INVS: variants seen among roughly 807,000 people sequenced by gnomAD.
INVS encodes the protein inversion of embryo turning homolog.
Under a neutral mutation model 108.8 loss-of-function variants are expected in INVS, and 86 were observed. The ratio of observed to expected loss-of-function variants is 0.79; its 90% CI spans 0.66 to 0.95. The LOEUF is 0.95. Ranked by LOEUF, INVS falls within the 40% of genes least tolerant of loss-of-function variation. The pLI is 0.00. For missense variants in INVS, 1,169 were observed against 1,297.4 expected, an observed-to-expected ratio of 0.90 and a Z score of 1.52; for synonymous variants, 455 against 473.5, an observed-to-expected ratio of 0.96 and a Z score of 0.51.
intron 14 of INVS, 36 bp downstream of exon 14, chr9:100,293,079 T>C (rs778344329): frequency 6.5e-7 from 1 of 1,531,682 alleles, no homozygotes; most frequent in South Asian, 1.1e-5. Context: ...CTGTGGTTCT[T>C]TGTTACTGAT....
intron 10 of INVS, among the ~76,000 whole-genome samples, chr9:100,255,228 C>A (rs1832377437): frequency 6.7e-6 from 1 of 150,246 alleles, no homozygotes; most frequent in Non-Finnish European, 1.5e-5. Context: ...TGTCTGTTGG[C>A]ATATAGGAAT....
chr9:100,188,883 TG>T (rs1385322494), intron 3 of INVS, among the ~76,000 whole-genome samples: 1 of 152,024 alleles, frequency 6.6e-6, no homozygotes, highest in Non-Finnish European at 1.5e-5. Context: ...TGCTTGTTAT[TG>T]GTTTGTTCAG....
chr9:100,259,631 G>T (rs934707604), intron 10 of INVS, among the ~76,000 whole-genome samples: 2 of 145,198 alleles, frequency 1.4e-5, no homozygotes, highest in African/African-American at 5.1e-5. Flanking sequence ...TCCACCTCCC[G>T]GGTTCAAGCG....
At chr9:100,135,455 G>T (rs950277572) in intron 3 of INVS, among the ~76,000 whole-genome samples, 1 of 152,200 alleles carries the variant, frequency 6.6e-6, no homozygotes, top group Non-Finnish European at 1.5e-5. Flanking sequence ...GCCAGAGAAT[G>T]TGCTTATCTA....
intron 3 of INVS, among the ~76,000 whole-genome samples, chr9:100,181,222 A>C (rs1829877971): frequency 6.6e-6 from 1 of 152,202 alleles, no homozygotes; most frequent in African/African-American, 2.4e-5. Flanking sequence ...CTGGCACATG[A>C]CAAGGATGCC....
intron 3 of INVS, among the ~76,000 whole-genome samples, chr9:100,149,205 T>C (rs188809804): frequency 1.2e-4 from 18 of 152,210 alleles, no homozygotes; most frequent in Non-Finnish European, 2.6e-4. Flanking sequence ...CCACAAGCTA[T>C]GTAGCGAATG....
At chr9:100,103,349 G>C (rs1486609662) in intron 1 of INVS, among the ~76,000 whole-genome samples, 1 of 151,944 alleles carries the variant, frequency 6.6e-6, no homozygotes, top group Non-Finnish European at 1.5e-5. Flanking sequence ...TTGGTAGGCA[G>C]GGCATGGTGG....
At chr9:100,258,274 C>T (rs1188051518) in intron 10 of INVS, among the ~76,000 whole-genome samples, 2 of 152,162 alleles carry the variant, frequency 1.3e-5, no homozygotes, top group South Asian at 4.1e-4. Flanking sequence ...AAGGTCGTTT[C>T]TATGCTTTTT....
intron 5 of INVS, among the ~76,000 whole-genome samples, chr9:100,233,969 G>C (rs947137174): frequency 2.6e-5 from 4 of 152,134 alleles, no homozygotes; most frequent in African/African-American, 9.7e-5. Flanking sequence ...TTGTACCTCT[G>C]GTAGAATTTG....
intron 3 of INVS, among the ~76,000 whole-genome samples, chr9:100,184,341 G>A (rs1167350420): frequency 6.6e-6 from 1 of 152,142 alleles, no homozygotes; most frequent in African/African-American, 2.4e-5. Context: ...TTGTATAAGA[G>A]AGAAGTATAT....
At chr9:100,122,344 A>G (rs752788993) in intron 2 of INVS, among the ~76,000 whole-genome samples, 7 of 151,626 alleles carry the variant, frequency 4.6e-5, no homozygotes, top group Non-Finnish European at 5.9e-5. Context: ...TGTATCTTGA[A>G]GCTCTGTGAT....
chr9:100,267,966 G>T (rs1414641412), intron 11 of INVS, among the ~76,000 whole-genome samples: 2 of 152,142 alleles, frequency 1.3e-5, no homozygotes, highest in African/African-American at 4.8e-5. Context: ...TTGTGGGTAT[G>T]CCCATATTAT....
chr9:100,292,989 A>G lies in INVS; in HGVS notation c.2732A>G (p.Glu911Gly). ...QIIQRERRRK[E>G]LFRKKNKAAA... Reference sequence around the variant, plus strand: ...ATTCAGAGAGAACGAAGGAGGAAGGAGCTGTTTCGCAAAAAGAACAAGGCA... The same window carrying G: ...ATTCAGAGAGAACGAAGGAGGAAGGGGCTGTTTCGCAAAAAGAACAAGGCA... Residue 911 changes from glutamate (E) to glycine (G), a missense_variant, in exon 14 of 17, where the codon GAG becomes GGG. Coordinates refer to ENST00000262457, the MANE Select transcript of INVS (RefSeq NM_014425.5). 6.2e-7 allele frequency: 1 copy of G among 1,613,838 alleles called. No individual in the cohort carries two copies. Among genetic ancestry groups the G allele is most frequent in the Non-Finnish European group, 8.5e-7 (1 of 1,179,764 alleles).
chr9:100,300,877 A>C lies in INVS; in HGVS notation c.*203A>C. 1.6e-6 allele frequency: 1 copy of C among 609,710 alleles called. No homozygotes were observed. Among genetic ancestry groups the C allele is most frequent in the South Asian group, 1.9e-5 (1 of 52,248 alleles). The allele number at this position is 609,710 out of a possible 1,614,324, so 37.8% of individuals were successfully genotyped here. A position where few individuals can be genotyped will look rare whatever the true frequency, so the allele number is the denominator to read the frequency against. Reference sequence around the variant, plus strand: ...ACAGCATTGTTTTGTCAATCAACACAGCCTGCACTGAAAGGACCTGCATAG... The same window carrying C: ...ACAGCATTGTTTTGTCAATCAACACCGCCTGCACTGAAAGGACCTGCATAG... On this transcript the variant is annotated 3_prime_UTR_variant, in exon 17 of 17. Transcript: ENST00000262457.
chr9:100,227,054 C>G (rs1396334938), intron 4 of INVS, among the ~76,000 whole-genome samples: 3 of 152,028 alleles, frequency 2.0e-5, no homozygotes, highest in African/African-American at 7.2e-5. Context: ...TCCTCTGTGC[C>G]TCAATTTTTG....
At chr9:100,108,665 G>C (rs1230689557) in intron 2 of INVS, among the ~76,000 whole-genome samples, 1 of 152,100 alleles carries the variant, frequency 6.6e-6, no homozygotes, top group African/African-American at 2.4e-5. Context: ...CAACTGCTCA[G>C]TGAATTCATT....
At chr9:100,139,030 A>G (rs539490049) in intron 3 of INVS, among the ~76,000 whole-genome samples, 5 of 152,242 alleles carry the variant, frequency 3.3e-5, no homozygotes, top group African/African-American at 1.2e-4. Flanking sequence ...CCTTGTCAAA[A>G]CATTATTTAA....
chr9:100,216,988 G>A (rs571689226), intron 3 of INVS, among the ~76,000 whole-genome samples: 1 of 152,096 alleles, frequency 6.6e-6, no homozygotes, highest in Non-Finnish European at 1.5e-5. Flanking sequence ...GGGCCTCTAG[G>A]GTTCTTGTCC....
At chr9:100,143,707 C>T (rs2118956477) in intron 3 of INVS, among the ~76,000 whole-genome samples, 2 of 152,048 alleles carry the variant, frequency 1.3e-5, no homozygotes, top group Middle Eastern at 3.4e-3. Flanking sequence ...AAAAGGAGTG[C>T]TTAAAAGAGT....
Sources: gnomAD v4.1 joint callset for allele counts (sites outside exome capture counted in the v4.1 genomes callset) on GRCh38, gnomAD v4.1.1 for gene constraint, MANE v1.5 for transcripts, NCBI Gene and HGNC (gene_info 2026-07-23, HGNC 2026-07-21) for gene names.